The following SLC4A4 variants were observed in gnomAD, a reference collection of about 807,000 sequenced individuals.
SLC4A4 encodes the protein electrogenic sodium bicarbonate cotransporter 1.
A neutral mutation model predicts 111.5 loss-of-function variants in SLC4A4; 27 were observed. The observed-to-expected ratio is 0.24, with a 90% CI of 0.18 to 0.33. SLC4A4 has a LOEUF of 0.33. Among genes scored for constraint, SLC4A4 ranks in the 10% least tolerant of loss-of-function variants. The pLI, the probability that SLC4A4 is intolerant of heterozygous loss-of-function variation, is 1.00. For synonymous variants in SLC4A4, 443 were observed against 463.4 expected (o/e 0.96, Z 0.57); for missense variants, 909 against 1,315.5 (o/e 0.69, Z 4.78).
chr4:71,307,060 G>A (rs1725748680), intron 3 of SLC4A4, among the ~76,000 whole-genome samples: 1 of 152,146 alleles, frequency 6.6e-6, no homozygotes, highest in Non-Finnish European at 1.5e-5. Context: ...TAAGCCTGAA[G>A]CATTTAGAAA....
chr4:71,425,248 C>G (rs775840146), intron 7 of SLC4A4, among the ~76,000 whole-genome samples: 1 of 152,072 alleles, frequency 6.6e-6, no homozygotes, highest in Non-Finnish European at 1.5e-5. Context: ...GCCAAGGAAC[C>G]CTTTATTGTT....
intron 16 of SLC4A4, among the ~76,000 whole-genome samples, chr4:71,522,049 A>G (rs944095008): frequency 3.3e-5 from 5 of 151,930 alleles, no homozygotes; most frequent in Non-Finnish European, 7.4e-5. Context: ...CCTGTCTATC[A>G]GGTATTTAAT....
chr4:71,199,790 A>G (rs751941699), intron 1 of SLC4A4, among the ~76,000 whole-genome samples: 1 of 152,074 alleles, frequency 6.6e-6, no homozygotes, highest in Non-Finnish European at 1.5e-5. Context: ...AGCTGGGACT[A>G]CAGGAGCGCA....
intron 6 of SLC4A4, among the ~76,000 whole-genome samples, chr4:71,378,610 T>A (rs926547379): frequency 6.6e-6 from 1 of 152,222 alleles, no homozygotes; most frequent in Non-Finnish European, 1.5e-5. Context: ...AATACTTGAA[T>A]TCGTTTGTCT....
intron 12 of SLC4A4, among the ~76,000 whole-genome samples, chr4:71,459,427 C>A (rs1210166172): frequency 1.3e-5 from 2 of 151,958 alleles, no homozygotes; most frequent in Admixed American, 1.3e-4. Context: ...TCCCATACAT[C>A]TTAAAATTCA....
At chr4:71,307,804 A>G (rs1236654228) in intron 3 of SLC4A4, among the ~76,000 whole-genome samples, 1 of 152,174 alleles carries the variant, frequency 6.6e-6, no homozygotes. Context: ...AAGTATTCTC[A>G]AGGTGTGTGG....
chr4:71,478,534 C>T, intron 14 of SLC4A4, among the ~76,000 whole-genome samples: 1 of 151,546 alleles, frequency 6.6e-6, no homozygotes, highest in East Asian at 1.9e-4. Flanking sequence ...CACACGTTCT[C>T]TCTCATAAGT....
intron 1 of SLC4A4, among the ~76,000 whole-genome samples, chr4:71,230,427 C>A (rs924939840): frequency 6.6e-6 from 1 of 152,166 alleles, no homozygotes; most frequent in Non-Finnish European, 1.5e-5. Context: ...CTTTGGTGTG[C>A]GTCTGTGGGC....
intron 2 of SLC4A4, among the ~76,000 whole-genome samples, chr4:71,180,778 A>C (rs1271840830): frequency 1.3e-5 from 2 of 152,202 alleles, no homozygotes; most frequent in Non-Finnish European, 2.9e-5. Flanking sequence ...ACCATTGTGG[A>C]AGTCAGTGTG....
chr4:71,138,124 C>G (rs1553955007), intron 2 of SLC4A4, among the ~76,000 whole-genome samples: 2 of 152,254 alleles, frequency 1.3e-5, no homozygotes, highest in Admixed American at 6.5e-5. Flanking sequence ...CTTGGAATGA[C>G]AAACCAGGTA....
intron 1 of SLC4A4, among the ~76,000 whole-genome samples, chr4:71,228,602 AT>A (rs1027171282): frequency 3.0e-4 from 45 of 152,344 alleles, no homozygotes; most frequent in African/African-American, 1.1e-3. Context: ...GGGATTTTGT[AT>A]TCAGTTTTGC....
intron 3 of SLC4A4, chr4:71,300,664 A>G (rs1725175291): frequency 5.2e-6 from 2 of 381,540 alleles, no homozygotes; most frequent in East Asian, 1.4e-4. Flanking sequence ...GTCCAGGATG[A>G]GGAGCAGCAG....
intron 12 of SLC4A4, among the ~76,000 whole-genome samples, chr4:71,463,270 A>T (rs1727007639): frequency 6.6e-6 from 1 of 152,194 alleles, no homozygotes; most frequent in Non-Finnish European, 1.5e-5. Flanking sequence ...GGCTTTTAAA[A>T]ATACACATAT....
chr4:71,461,241 T>C (rs1013243838), intron 12 of SLC4A4, among the ~76,000 whole-genome samples: 2 of 152,162 alleles, frequency 1.3e-5, no homozygotes, highest in African/African-American at 4.8e-5. Flanking sequence ...AAATGCTTTA[T>C]CATTTGATGC....
chr4:71,360,230 G>A lies in SLC4A4; in HGVS notation c.730+3043G>A, dbSNP rs73826291. ...TAGAAATACTGTTAAATAGTGTGCCGTTGTGCATCTCTTCCCTCAGTGACT... is the reference window on the plus strand; with the variant it reads ...TAGAAATACTGTTAAATAGTGTGCCATTGTGCATCTCTTCCCTCAGTGACT... On this transcript the variant is annotated intron_variant, in intron 6 of 25. Coordinates refer to ENST00000264485, the MANE Select transcript of SLC4A4 (RefSeq NM_001098484.3). 9.4e-3 allele frequency among the ~76,000 whole-genome samples: 1,432 copies of A among 152,156 alleles called. 21 individuals carry two copies. The highest frequency in any genetic ancestry group is 0.031 in the African/African-American group (1,279 of 41,500).
intron 3 of SLC4A4, among the ~76,000 whole-genome samples, chr4:71,271,632 A>T (rs535802989): frequency 6.6e-6 from 1 of 152,322 alleles, no homozygotes; most frequent in East Asian, 1.9e-4. Context: ...AAAAGGAAAA[A>T]CATGCTACAG....
chr4:71,118,932 C>T, intron 2 of SLC4A4, among the ~76,000 whole-genome samples: 1 of 152,116 alleles, frequency 6.6e-6, no homozygotes. Flanking sequence ...GAGTGGGGCA[C>T]AGAGGACTCT....
chr4:71,143,932 C>A (rs896174840), intron 2 of SLC4A4, among the ~76,000 whole-genome samples: 3 of 152,104 alleles, frequency 2.0e-5, no homozygotes, highest in African/African-American at 7.2e-5. Context: ...TTTTGCTGTG[C>A]AGAAGCTCTT....
intron 14 of SLC4A4, among the ~76,000 whole-genome samples, chr4:71,480,020 CTT>C (rs34425929): frequency 0.61 from 78,157 of 127,230 alleles, 22,611 homozygotes; most frequent in Non-Finnish European, 0.7. Flanking sequence ...ATATGCCCAT[CTT>C]TTTTTTTTTT....
Sources: gnomAD v4.1 joint callset for allele counts (sites outside exome capture counted in the v4.1 genomes callset) on GRCh38, gnomAD v4.1.1 for gene constraint, MANE v1.5 for transcripts, NCBI Gene and HGNC (gene_info 2026-07-23, HGNC 2026-07-21) for gene names.